Variants in GRAMD4 observed in about 807,000 individuals in gnomAD.
GRAMD4 encodes the protein GRAM domain-containing protein 4.
Under a neutral mutation model 83.9 loss-of-function variants are expected in GRAMD4, and 25 were observed. The ratio of observed to expected loss-of-function variants is 0.30; its 90% confidence interval spans 0.22 to 0.42. The LOEUF (loss-of-function observed/expected upper bound fraction) is 0.42, where lower values mean the gene tolerates loss of function less well. Among genes scored for constraint, GRAMD4 ranks in the 10% least tolerant of loss-of-function variants. The pLI is 1.00. For missense variants in GRAMD4, 593 were observed against 788.7 expected, an observed-to-expected ratio of 0.75 and a Z score of 2.97; for synonymous variants, 336 against 320.9, an observed-to-expected ratio of 1.05 and a Z score of -0.50.
At chr22:46,650,502 C>T (rs905213122) in intron 3 of GRAMD4, among the ~76,000 whole-genome samples, 1 of 152,194 alleles carries the variant, frequency 6.6e-6, no homozygotes, top group African/African-American at 2.4e-5. Context: ...TGAGCCGATG[C>T]ATCTCCTTTG....
At chr22:46,651,329 C>T (rs906835898) in intron 3 of GRAMD4, among the ~76,000 whole-genome samples, 3 of 152,244 alleles carry the variant, frequency 2.0e-5, no homozygotes, top group Non-Finnish European at 4.4e-5. Flanking sequence ...TCGGCCGGCC[C>T]TCGACCCTGG....
At chr22:46,587,972 G>A (rs1490048466) in intron 1 of GRAMD4, 1 of 984,178 alleles carries the variant, frequency 1.0e-6, no homozygotes, top group Non-Finnish European at 1.2e-6. Flanking sequence ...GGGTCCAGGG[G>A]GCCAGGGCCT....
chr22:46,661,281 C>A, intron 4 of GRAMD4, 100 bp from the exon 5 acceptor site: 1 of 853,382 alleles, frequency 1.2e-6, no homozygotes, highest in Non-Finnish European at 2.0e-6. Flanking sequence ...CCTGACCTCT[C>A]CTGTGCAGTA....
chr22:46,651,100 T>C (rs2082159182), intron 3 of GRAMD4, among the ~76,000 whole-genome samples: 1 of 152,172 alleles, frequency 6.6e-6, no homozygotes, highest in Admixed American at 6.5e-5. Context: ...TTCCTGACAA[T>C]GAGACGGCTG....
At chr22:46,612,336 T>A (rs948796386) in intron 1 of GRAMD4, among the ~76,000 whole-genome samples, 9 of 152,200 alleles carry the variant, frequency 5.9e-5, no homozygotes, top group Non-Finnish European at 1.2e-4. Flanking sequence ...TTACTGTTAC[T>A]GTGGTTTCCT....
At position 46,607,487 on chromosome 22, in the gene GRAMD4, C is replaced by T. The variant is rs578018740; in HGVS notation, c.-49-19264C>T. 2.0e-5 allele frequency among the ~76,000 whole-genome samples: 3 copies of T among 152,252 alleles called. No homozygotes were observed. The South Asian group carries it at 6.2e-4, about 32-fold the overall frequency. ...GATTGAGTCAGGTGCGGCCAGGAGGCACCGGGCAGGTTACTGTCCCTTACG... is the reference window on the plus strand; with the variant it reads ...GATTGAGTCAGGTGCGGCCAGGAGGTACCGGGCAGGTTACTGTCCCTTACG... On this transcript the variant is annotated intron_variant, in intron 1 of 1. Coordinates refer to the GRAMD4 transcript ENST00000431155.
At chr22:46,664,564 C>T (rs1299837501) in intron 8 of GRAMD4, among the ~76,000 whole-genome samples, 2 of 152,222 alleles carry the variant, frequency 1.3e-5, no homozygotes, top group African/African-American at 4.8e-5. Flanking sequence ...GGTGCCAGGG[C>T]CCACATTGCC....
chr22:46,612,815 G>A (rs2081430988), intron 1 of GRAMD4, among the ~76,000 whole-genome samples: 1 of 152,248 alleles, frequency 6.6e-6, no homozygotes, highest in Non-Finnish European at 1.5e-5. Context: ...CCAGTGGGTG[G>A]CCGAAGGCTG....
At chr22:46,609,153 T>G (rs532337477) in intron 1 of GRAMD4, among the ~76,000 whole-genome samples, 1 of 152,272 alleles carries the variant, frequency 6.6e-6, no homozygotes, top group South Asian at 2.1e-4. Flanking sequence ...TTTTTTTTGT[T>G]TTTTCTTGGC....
chr22:46,590,756 A>T (rs910009409), intron 1 of GRAMD4, among the ~76,000 whole-genome samples: 13 of 152,246 alleles, frequency 8.5e-5, no homozygotes, highest in Admixed American at 6.5e-5. Flanking sequence ...GATGGACACT[A>T]CTAGTTTATA....
At chr22:46,629,049 G>A (rs1382666165) in intron 2 of GRAMD4, among the ~76,000 whole-genome samples, 1 of 152,062 alleles carries the variant, frequency 6.6e-6, no homozygotes, top group African/African-American at 2.4e-5. Context: ...GGCAAGGTCA[G>A]CCTGTGGACT....
Position 46,672,922 on chromosome 22 carries a change from G to GA in GRAMD4, c.1164_1165insA (p.Pro389ThrfsTer44). 6.2e-7 allele frequency: 1 copy of GA among 1,611,894 alleles called. No individual in the cohort carries two copies. Among genetic ancestry groups the GA allele is most frequent in the Non-Finnish European group, 8.5e-7 (1 of 1,179,544 alleles). On this transcript the variant is annotated frameshift_variant, in exon 14 of 19. Transcript: ENST00000406902. LOFTEE classifies it high-confidence loss of function. This position sits in a 1 kb window ranked among gnomAD's most constrained non-coding sequence, Gnocchi z 4.7. The stretch of plus-strand genomic sequence containing the variant: ...CGAGGCTGCGCGCCAAGTACGACAC[G>GA]CCCTATATCATCTGGAGGAGTCTCC...
At position 46,622,932 on chromosome 22, in the gene GRAMD4, CTG is replaced by C. The variant is rs1288516381; in HGVS notation, c.-50+2368_-50+2369del. On this transcript the variant is annotated intron_variant, in intron 1 of 18. Transcript: ENST00000406902. The surrounding 1 kb of genome is among the most constrained non-coding windows in gnomAD (Gnocchi z 4.0). ...ATCTCTAAAAAAAAAAAAAAAAAAA[CTG>C]ATGAAATTGGTAATATTTATATTAT... 7.0e-6 allele frequency among the ~76,000 whole-genome samples: 1 copy of C among 143,606 alleles called. No individual in the cohort carries two copies. The highest frequency in any genetic ancestry group is 1.5e-5 in the Non-Finnish European group (1 of 65,524). 94.2% of individuals were successfully genotyped at this position (143,606 alleles called of 152,430 possible).
In GRAMD4 at chr22:46,633,657, G is replaced by T. The variant is rs73469131; in HGVS notation, c.163-4183G>T. On this transcript the variant is annotated intron_variant, in intron 2 of 18. Transcript: ENST00000406902. ...GAGGCCAAGGCCACTGGCTTCCTGG[G>T]GACCCCAGCCTGCCTTGTCACCAAG... Among the ~76,000 whole-genome samples the T allele has an allele frequency of 5.3e-3, 809 of 152,334 alleles. 6 individuals carry two copies. Among genetic ancestry groups the T allele is most frequent in the African/African-American group, 0.019 (778 of 41,570 alleles).
chr22:46,654,400 C>G (rs1002421489), intron 3 of GRAMD4, among the ~76,000 whole-genome samples: 8 of 152,320 alleles, frequency 5.3e-5, no homozygotes, highest in East Asian at 1.9e-4. Context: ...AGGGTGTTGT[C>G]CCCTCTGTTC....
chr22:46,600,991 A>G (rs1308412337), intron 1 of GRAMD4, among the ~76,000 whole-genome samples: 1 of 152,058 alleles, frequency 6.6e-6, no homozygotes, highest in Non-Finnish European at 1.5e-5. Flanking sequence ...TAAAAATGCA[A>G]AAATTAGCCA....
At chr22:46,616,485 G>GTGTGTAGGTTCCCCTGTGCGTGTCA (rs2081497101), upstream of GRAMD4, among the ~76,000 whole-genome samples, 1 of 128,890 alleles carries the variant, frequency 7.8e-6, no homozygotes, top group African/African-American at 3.1e-5. Context: ...TGTGCGTGTC[G>GTGTGTAGGTTCCCCTGTGCGTGTCA]GTTCCCCCGT....
At chr22:46,628,464 G>A (rs1363025077) in intron 2 of GRAMD4, among the ~76,000 whole-genome samples, 1 of 140,642 alleles carries the variant, frequency 7.1e-6, no homozygotes, top group African/African-American at 2.7e-5. Context: ...GTGCGTTGGT[G>A]TCTGAGGGGC....
At chr22:46,596,058 G>T (rs554753409) in intron 1 of GRAMD4, among the ~76,000 whole-genome samples, 1 of 152,346 alleles carries the variant, frequency 6.6e-6, no homozygotes, top group Non-Finnish European at 1.5e-5. Flanking sequence ...TCACTTTCTC[G>T]TAATTCACTC....
Sources: gnomAD v4.1 joint callset for allele counts (sites outside exome capture counted in the v4.1 genomes callset) on GRCh38, gnomAD v4.1.1 for gene constraint, Gnocchi (gnomAD v3.1) non-coding constraint, MANE v1.5 for transcripts, NCBI Gene and HGNC (gene_info 2026-07-23, HGNC 2026-07-21) for gene names.